SMARCAL1: variants seen among roughly 807,000 people sequenced by gnomAD.
SMARCAL1 encodes the protein ATP-driven annealing helicase.
Under a neutral mutation model 94.5 loss-of-function variants are expected in SMARCAL1, and 58 were observed. The ratio of observed to expected loss-of-function variants is 0.61; its 90% CI spans 0.50 to 0.76. The LOEUF is 0.76. Ranked by LOEUF, SMARCAL1 falls within the 30% of genes least tolerant of loss-of-function variation. The pLI is 0.00. For synonymous variants in SMARCAL1, 422 were observed against 455.1 expected, an observed-to-expected ratio of 0.93 and a Z score of 0.93; for missense variants, 1,051 against 1,177.9, an observed-to-expected ratio of 0.89 and a Z score of 1.58.
intron 3 of SMARCAL1, chr2:216,415,984 T>A (rs1433032091): frequency 2.2e-6 from 1 of 446,546 alleles, no homozygotes; most frequent in African/African-American, 2.0e-5. Context: ...CACTACGACC[T>A]GGAGAACTTG....
chr2:216,444,114 C>T (rs1694255370), intron 10 of SMARCAL1, among the ~76,000 whole-genome samples: 1 of 152,214 alleles, frequency 6.6e-6, no homozygotes, highest in Admixed American at 6.5e-5. Flanking sequence ...TAAAACACAG[C>T]TTCAATGTCC....
At chr2:216,448,707 A>T (rs72948630) in intron 11 of SMARCAL1, among the ~76,000 whole-genome samples, 14,700 of 152,120 alleles carry the variant, frequency 0.097, 887 homozygotes, top group South Asian at 0.19. Context: ...CGGTACACAC[A>T]TGTAGTCCCA....
intron 6 of SMARCAL1, among the ~76,000 whole-genome samples, chr2:216,425,793 T>C (rs763263758): frequency 1.4e-4 from 22 of 152,162 alleles, no homozygotes; most frequent in Non-Finnish European, 2.9e-4. Flanking sequence ...GTGTGCTGAT[T>C]GGTCCATAGG....
At chr2:216,464,690 C>A (rs1559135641) in intron 13 of SMARCAL1, 23 bp downstream of exon 13, 1 of 1,466,910 alleles carries the variant, frequency 6.8e-7, no homozygotes, top group Non-Finnish European at 9.4e-7. Flanking sequence ...TAAGTGTCGA[C>A]CTCTCTCTCT....
chr2:216,445,599 A>G (rs1694293950), intron 10 of SMARCAL1, among the ~76,000 whole-genome samples: 1 of 119,102 alleles, frequency 8.4e-6, no homozygotes, highest in South Asian at 2.6e-4. Flanking sequence ...TTTTTGATAA[A>G]ACTTTTCATT....
intron 9 of SMARCAL1, among the ~76,000 whole-genome samples, chr2:216,436,556 T>G (rs1004589284): frequency 5.3e-5 from 8 of 152,182 alleles, no homozygotes; most frequent in African/African-American, 1.7e-4. Flanking sequence ...TAAGCAAACT[T>G]GAGTGTTGAT....
chr2:216,450,207 G>A (rs1427901875), intron 11 of SMARCAL1, among the ~76,000 whole-genome samples: 1 of 152,256 alleles, frequency 6.6e-6, no homozygotes, highest in East Asian at 1.9e-4. Context: ...ACTGCCTCCC[G>A]TGAGCTCCTC....
intron 12 of SMARCAL1, among the ~76,000 whole-genome samples, chr2:216,453,426 G>A (rs1157454627): frequency 6.6e-6 from 1 of 152,206 alleles, no homozygotes; most frequent in Admixed American, 6.5e-5. Flanking sequence ...GTAGAAAACA[G>A]ATTTGTGTGT....
At chr2:216,432,521 C>T (rs1285726698) in intron 7 of SMARCAL1, among the ~76,000 whole-genome samples, 197 bp from the exon 8 acceptor site, 1 of 152,130 alleles carries the variant, frequency 6.6e-6, no homozygotes, top group Non-Finnish European at 1.5e-5. Context: ...TGGGCTTTCT[C>T]TCTCTCTCTC....
At chr2:216,461,047 T>C (rs1694686000) in intron 12 of SMARCAL1, among the ~76,000 whole-genome samples, 1 of 139,770 alleles carries the variant, frequency 7.2e-6, no homozygotes, top group South Asian at 2.4e-4. Context: ...GATGTAAAAC[T>C]AGAAAGAGGT....
At chr2:216,421,004 G>A (rs962451752) in intron 5 of SMARCAL1, among the ~76,000 whole-genome samples, 3 of 152,180 alleles carry the variant, frequency 2.0e-5, no homozygotes, top group Non-Finnish European at 4.4e-5. Flanking sequence ...ACTTGAGCAT[G>A]GAGCCAAACT....
intron 6 of SMARCAL1, chr2:216,427,582 A>C (rs1008759936): frequency 6.6e-6 from 1 of 152,250 alleles, no homozygotes; most frequent in Non-Finnish European, 1.5e-5. Context: ...TTTCTGCATC[A>C]ATATGGACAG....
In SMARCAL1 at chr2:216,467,982, A is replaced by C. The variant is rs751912300; in HGVS notation, c.2180A>C (p.Lys727Thr). 38 of 1,613,774 alleles carry C rather than the reference A, an allele frequency of 2.4e-5. No homozygotes were observed. The highest frequency in any genetic ancestry group is 3.1e-5 in the Non-Finnish European group (37 of 1,179,668). The change falls in exon 14 of 18, where the codon AAG becomes ACG. Residue 727 changes from lysine (K) to threonine (T), a missense_variant. Around this residue, in one of 3 missense-constraint regions of SMARCAL1, gnomAD observed 642 missense variants for 754.7 expected, o/e 0.85. Coordinates refer to ENST00000357276, the MANE Select transcript of SMARCAL1 (RefSeq NM_014140.4). ...ILDLLESGRE[K>T]FLVFAHHKVV... ...GACCTACTGGAAAGTGGAAGAGAGA[A>C]GTTTTTAGTATTTGCACACCATAAG... is the stretch of plus-strand genomic sequence containing the variant.
chr2:216,423,779 C>G (rs377154847), intron 6 of SMARCAL1, 96 bp downstream of exon 6: 2 of 1,140,594 alleles, frequency 1.8e-6, no homozygotes, highest in East Asian at 2.4e-5. Flanking sequence ...CTTCTCCTCC[C>G]TTTGCTGTGG....
rs1158142533 is a variant in SMARCAL1, at chr2:216,428,776, G to C, written c.1328G>C (p.Gly443Ala). ...VSNLMPFQRA[G>A]VNFAIAKGGR... ...AATCTGATGCCCTTTCAGAGAGCTG[G>C]AGTCAAGTAGGTTCTTGATCTTCCT... is the stretch of plus-strand genomic sequence containing the variant. Residue 443 changes from glycine to alanine, a missense_variant, in exon 7 of 18, where the codon GGA becomes GCA. By Grantham distance (60) the Gly-to-Ala change is moderately conservative (BLOSUM62 0). Around this residue, in one of 3 missense-constraint regions of SMARCAL1, gnomAD observed 642 missense variants for 754.7 expected, o/e 0.85. Coordinates refer to ENST00000357276, the MANE Select transcript of SMARCAL1 (RefSeq NM_014140.4). 1.2e-6 allele frequency: 2 copies of C among 1,614,034 alleles called. No homozygotes were observed. The highest frequency in any genetic ancestry group is 1.1e-5 in the South Asian group (1 of 91,072).
chr2:216,426,783 T>G (rs1693842676), intron 6 of SMARCAL1, among the ~76,000 whole-genome samples: 1 of 152,212 alleles, frequency 6.6e-6, no homozygotes, highest in Non-Finnish European at 1.5e-5. Context: ...TCTCCGCCAG[T>G]ACTGTGAACC....
chr2:216,426,007 G>A (rs981326133), intron 6 of SMARCAL1, among the ~76,000 whole-genome samples: 5 of 152,144 alleles, frequency 3.3e-5, no homozygotes, highest in African/African-American at 9.7e-5. Flanking sequence ...AATTATAGGC[G>A]CATATCCCCA....
intron 17 of SMARCAL1, among the ~76,000 whole-genome samples, chr2:216,481,503 A>G (rs980633696): frequency 6.8e-5 from 8 of 117,566 alleles, no homozygotes; most frequent in Non-Finnish European, 1.4e-4. Context: ...CCTTATTTTT[A>G]TGTATTTATT....
At chr2:216,455,485 AC>A (rs1694544930) in intron 12 of SMARCAL1, among the ~76,000 whole-genome samples, 1 of 152,164 alleles carries the variant, frequency 6.6e-6, no homozygotes, top group African/African-American at 2.4e-5. Context: ...ACGGCCAGGT[AC>A]CCCTCTGAAA....
Sources: gnomAD v4.1 joint callset for allele counts (sites outside exome capture counted in the v4.1 genomes callset) on GRCh38, gnomAD v4.1.1 for gene constraint, gnomAD v4.1.1 regional missense constraint, MANE v1.5 for transcripts, NCBI Gene and HGNC (gene_info 2026-07-23, HGNC 2026-07-21) for gene names.